The following ACP6 variants were observed in gnomAD, a reference collection of about 807,000 sequenced individuals.
ACP6 encodes the protein acid phosphatase 6, lysophosphatidic.
In ACP6, 48 loss-of-function variants were observed where a neutral mutation model predicts 48.1. The ratio of observed to expected loss-of-function variants is 1.00; its 90% CI spans 0.79 to 1.27. The LOEUF (loss-of-function observed/expected upper bound fraction) is 1.27. Ranked by LOEUF, ACP6 falls within the 50% of genes most tolerant of loss-of-function variation. The probability of loss-of-function intolerance (pLI) is 0.00; values close to 1 mark genes in which losing one functional copy is unlikely to be tolerated. For synonymous variants in ACP6, 172 were observed against 204.2 expected (o/e 0.84, Z 1.34); for missense variants, 485 against 529.1 (o/e 0.92, Z 0.82).
At chr1:147,641,878 C>T (rs1553208766), downstream of ACP6, among the ~76,000 whole-genome samples, 20 of 152,186 alleles carry the variant, frequency 1.3e-4, no homozygotes. Flanking sequence ...CGGGGCGCTG[C>T]CTGCAGAGGA....
At chr1:147,630,324 C>G (rs1261266541) in exon 6 of ACP6, 2 of 152,304 alleles carry the variant, frequency 1.3e-5, no homozygotes, top group African/African-American at 4.8e-5. Context: ...TCTCCAGAGG[C>G]TGGAGCCAGG....
downstream of ACP6, among the ~76,000 whole-genome samples, chr1:147,639,014 G>A (rs918184212): frequency 3.3e-5 from 5 of 152,096 alleles, no homozygotes; most frequent in Non-Finnish European, 7.4e-5. Flanking sequence ...TTGCCACCAC[G>A]TAAAGCTGAA....
chr1:147,650,336 G>A, intron 7 of ACP6, 98 bp from the exon 8 acceptor site: 1 of 848,502 alleles, frequency 1.2e-6, no homozygotes, highest in Non-Finnish European at 1.8e-6. Context: ...TCCAGACAGA[G>A]CTGAGAAAAA....
rs587641909 is a variant in ACP6 at position 147,670,155 on chromosome 1, G to C, written c.-107C>G. 2.8e-5 allele frequency: 30 copies of C among 1,056,230 alleles called. No homozygotes were observed. In the East Asian group the frequency reaches 7.7e-4, roughly 27 times the overall value. The allele number at this position is 1,056,230 out of a possible 1,614,324, so 65.4% of individuals were successfully genotyped here. A position where few individuals can be genotyped will look rare whatever the true frequency, so the allele number is the denominator to read the frequency against. The stretch of plus-strand genomic sequence containing the variant: ...CGCCCCCAAGTCCGCGGGAACCTGC[G>C]GATGCGTACATCCAGCCCTTCAGCA... On this transcript the variant is annotated 5_prime_UTR_variant, in exon 1 of 10. Transcript: ENST00000583509.
At chr1:147,668,416 AT>A (rs1553213999) in intron 1 of ACP6, among the ~76,000 whole-genome samples, 802 of 70,290 alleles carry the variant, frequency 0.011, 2 homozygotes, top group Middle Eastern at 0.057. Flanking sequence ...TGCCTTCAGG[AT>A]ATATATATAT....
chr1:147,660,707 T>A (rs1330173203), intron 1 of ACP6, among the ~76,000 whole-genome samples: 3 of 152,364 alleles, frequency 2.0e-5, no homozygotes, highest in South Asian at 4.1e-4. Flanking sequence ...CATAGCCAAC[T>A]AATTAATCTT....
rs782225158 is a variant in ACP6, at chr1:147,650,256, C to T, written c.882-18G>A. 1 of 1,574,596 alleles carries T rather than the reference C, an allele frequency of 6.4e-7. No homozygotes were observed. The highest frequency in any genetic ancestry group is 8.6e-7 in the Non-Finnish European group (1 of 1,157,854). ...GACTTTCCCTGTGAAAAGTGAACAA[C>T]ATTTAAGCACCTAGAGGGCACTCAG... is the stretch of plus-strand genomic sequence containing the variant. On this transcript the variant is annotated intron_variant, in intron 7 of 9. Transcript: ENST00000583509.
At chr1:147,630,367 T>C (rs941903444) in exon 6 of ACP6, 2 of 152,274 alleles carry the variant, frequency 1.3e-5, no homozygotes, top group Non-Finnish European at 2.9e-5. Flanking sequence ...AAATCTCAGT[T>C]ATATCCAGTG....
intron 1 of ACP6, among the ~76,000 whole-genome samples, chr1:147,661,675 T>G (rs1244208359): frequency 1.3e-5 from 2 of 152,160 alleles, no homozygotes; most frequent in African/African-American, 4.8e-5. Flanking sequence ...TGTAGAAAGC[T>G]AAGATAAGCC....
intron 3 of ACP6, 96 bp downstream of exon 3, chr1:147,659,300 T>C: frequency 6.6e-7 from 1 of 1,515,874 alleles, no homozygotes. Flanking sequence ...CCAAACTACC[T>C]TGGGTGACAG....
intron 6 of ACP6, among the ~76,000 whole-genome samples, chr1:147,652,835 T>TG (rs1553210839): frequency 0.014 from 3 of 220 alleles, no homozygotes; most frequent in African/African-American, 0.045. Context: ...GTTGTTTTTT[T>TG]GGTTTTTTTG....
intron 4 of ACP6, among the ~76,000 whole-genome samples, chr1:147,658,689 T>C (rs1483026984): frequency 1.3e-5 from 2 of 152,120 alleles, no homozygotes; most frequent in African/African-American, 4.8e-5. Context: ...AGGACTGCCT[T>C]GTGCAGCTTG....
At position 147,647,308 on chromosome 1, in the gene ACP6, A is replaced by G. The variant is rs143507847; in HGVS notation, c.*115T>C. 2 of 1,226,336 alleles carry G rather than the reference A, an allele frequency of 1.6e-6. No individual in the cohort carries two copies. Among genetic ancestry groups the G allele is most frequent in the Non-Finnish European group, 2.3e-6 (2 of 878,998 alleles). 76.0% of individuals were successfully genotyped at this position (1,226,336 alleles called of 1,614,324 possible). Reference sequence around the variant, plus strand: ...ACCCACAGAAAGGAAATATCCTTACATTATATTAAAGTACATTACCCCTTG... The same window carrying G: ...ACCCACAGAAAGGAAATATCCTTACGTTATATTAAAGTACATTACCCCTTG... On this transcript the variant is annotated 3_prime_UTR_variant, in exon 10 of 10. Coordinates refer to ENST00000583509, the MANE Select transcript of ACP6 (RefSeq NM_016361.5).
At chr1:147,650,507 G>A (rs182692975) in intron 7 of ACP6, 122 of 351,302 alleles carry the variant, frequency 3.5e-4, no homozygotes, top group Non-Finnish European at 5.0e-4. Context: ...GGGAGCAGGA[G>A]AGTGGTAACC....
At chr1:147,635,295 A>C (rs782054482) in intron 5 of ACP6, among the ~76,000 whole-genome samples, 25 of 152,312 alleles carry the variant, frequency 1.6e-4, no homozygotes, top group African/African-American at 5.5e-4. Context: ...TGCTGTCCTC[A>C]CTGCTCTAAG....
intron 8 of ACP6, among the ~76,000 whole-genome samples, chr1:147,649,031 G>GAAGGTGGC (rs1264571954): frequency 1.3e-5 from 2 of 152,190 alleles, no homozygotes; most frequent in African/African-American, 2.4e-5. Flanking sequence ...ATCCAAGGCA[G>GAAGGTGGC]AAGGTGGCAA....
intron 4 of ACP6, 58 bp from the exon 5 acceptor site, chr1:147,655,306 T>A (rs1343208519): frequency 1.6e-6 from 2 of 1,243,234 alleles, no homozygotes; most frequent in Non-Finnish European, 1.2e-6. Flanking sequence ...CTTCCCAGCA[T>A]CTCCACCCCC....
intron 5 of ACP6, 113 bp from the exon 6 acceptor site, chr1:147,654,439 G>A (rs1449793165): frequency 8.3e-7 from 1 of 1,202,772 alleles, no homozygotes; most frequent in East Asian, 2.5e-5. Flanking sequence ...ACAACCCAAT[G>A]GGGTTAGCTG....
rs1462728727 is a variant in ACP6 at position 147,643,652 on chromosome 1, G to A, written c.*3771C>T. On this transcript the variant is annotated 3_prime_UTR_variant, in exon 10 of 10. Transcript: ENST00000583509. The stretch of plus-strand genomic sequence containing the variant: ...GATAGTAAGAATGGGATGGGATGAT[G>A]GGAAAAAGGGAGATGTTAGTCAAAA... 6.6e-6 allele frequency: 1 copy of A among 152,096 alleles called. No homozygotes were observed. The highest frequency in any genetic ancestry group is 1.5e-5 in the Non-Finnish European group (1 of 68,016). The allele number at this position is 152,096 out of a possible 1,614,324, so 9.4% of individuals were successfully genotyped here.
Sources: gnomAD v4.1 joint callset for allele counts (sites outside exome capture counted in the v4.1 genomes callset) on GRCh38, gnomAD v4.1.1 for gene constraint, MANE v1.5 for transcripts, NCBI Gene and HGNC (gene_info 2026-07-23, HGNC 2026-07-21) for gene names.